LRRC28: variants seen among roughly 807,000 people sequenced by gnomAD.
LRRC28 encodes leucine-rich repeat-containing protein 28.
A neutral mutation model predicts 45.7 loss-of-function variants in LRRC28; 39 were observed. The ratio of observed to expected loss-of-function variants is 0.85; its 90% confidence interval spans 0.66 to 1.12. The LOEUF is 1.12. LRRC28 is among the 50% of genes most tolerant of loss of function. The pLI, the probability that LRRC28 is intolerant of heterozygous loss-of-function variation, is 0.00. For synonymous variants in LRRC28, 206 were observed against 178.8 expected (o/e 1.15, Z -1.22); for missense variants, 435 against 438.5 (o/e 0.99, Z 0.07).
chr15:99,340,595 G>C (rs913139100), intron 6 of LRRC28, among the ~76,000 whole-genome samples: 1 of 152,234 alleles, frequency 6.6e-6, no homozygotes, highest in African/African-American at 2.4e-5. Context: ...TCTGCAGTTT[G>C]AAGAACTATG....
intron 2 of LRRC28, chr15:99,258,089 G>GA: frequency 1.3e-6 from 2 of 1,542,542 alleles, no homozygotes; most frequent in Non-Finnish European, 1.8e-6. Flanking sequence ...AATGACCAGA[G>GA]AAGAGTTGGT....
At chr15:99,269,022 A>G (rs1306363200) in intron 2 of LRRC28, among the ~76,000 whole-genome samples, 5 of 152,144 alleles carry the variant, frequency 3.3e-5, no homozygotes, top group Non-Finnish European at 7.4e-5. Flanking sequence ...TTGGCAATCA[A>G]ATTTCTATCA....
intron 2 of LRRC28, among the ~76,000 whole-genome samples, chr15:99,263,285 C>T (rs866511714): frequency 6.2e-5 from 9 of 145,084 alleles, no homozygotes; most frequent in Admixed American, 2.1e-4. Flanking sequence ...CGCCACTCCA[C>T]GCCAGCCTGG....
At chr15:99,255,004 C>T (rs918101128) in intron 1 of LRRC28, among the ~76,000 whole-genome samples, 2 of 152,142 alleles carry the variant, frequency 1.3e-5, no homozygotes, top group Non-Finnish European at 2.9e-5. Context: ...ATAATTTAAA[C>T]TAATGAGACT....
chr15:99,338,506 A>T (rs1956401442), intron 6 of LRRC28: 1 of 152,204 alleles, frequency 6.6e-6, no homozygotes, highest in South Asian at 2.1e-4. Context: ...AGGTTTTCAA[A>T]TATTAGAAGG....
At chr15:99,354,453 G>C (rs1232924682) in intron 7 of LRRC28, among the ~76,000 whole-genome samples, 4 of 152,164 alleles carry the variant, frequency 2.6e-5, no homozygotes, top group Non-Finnish European at 5.9e-5. Context: ...TCAGCCTAAA[G>C]GAAAGGAGGG....
At chr15:99,266,985 T>G (rs1027777189) in intron 2 of LRRC28, among the ~76,000 whole-genome samples, 7 of 152,212 alleles carry the variant, frequency 4.6e-5, no homozygotes, top group African/African-American at 1.7e-4. Flanking sequence ...AGAAACAGCC[T>G]TACTTAAGTG....
chr15:99,349,864 C>T lies in LRRC28; in HGVS notation c.593-2505C>T, dbSNP rs546884966. Among the ~76,000 whole-genome samples the T allele has an allele frequency of 3.9e-5, 6 of 152,282 alleles. No homozygotes were observed. In the South Asian group the frequency reaches 8.3e-4, roughly 21 times the overall value. ...ATAAGTAGAAAAATGCGGCCGGGCG[C>T]GGTGGCTCACGCCTGTAATCCCAGC... is the stretch of plus-strand genomic sequence containing the variant. On this transcript the variant is annotated intron_variant, in intron 6 of 9. Coordinates refer to ENST00000301981, the MANE Select transcript of LRRC28 (RefSeq NM_144598.5).
intron 9 of LRRC28, among the ~76,000 whole-genome samples, chr15:99,382,400 A>G (rs1163950975): frequency 1.3e-5 from 2 of 152,236 alleles, no homozygotes; most frequent in East Asian, 1.9e-4. Flanking sequence ...CATCTTCTGC[A>G]TCTCTCACAC....
chr15:99,383,538 G>T (rs1300793915), intron 9 of LRRC28, among the ~76,000 whole-genome samples: 1 of 152,200 alleles, frequency 6.6e-6, no homozygotes, highest in South Asian at 2.1e-4. Flanking sequence ...CCAAGTGTGT[G>T]TCTGTTTCTC....
rs1033655127 is a variant in LRRC28 at position 99,387,763 on chromosome 15, A to G, written c.*1661A>G. 2 of 152,178 alleles carry G rather than the reference A, an allele frequency of 1.3e-5. No homozygotes were observed. The highest frequency in any genetic ancestry group is 1.3e-4 in the Admixed American group (2 of 15,270). 9.4% of individuals were successfully genotyped at this position (152,178 alleles called of 1,614,324 possible). A position where few individuals can be genotyped will look rare whatever the true frequency, so the allele number is the denominator to read the frequency against. ...GGAGAACCAAGAATTTGCTTGGTAGAAAAATTATTTTTTTTTAATTTCAGA... is the reference window on the plus strand; with the variant it reads ...GGAGAACCAAGAATTTGCTTGGTAGGAAAATTATTTTTTTTTAATTTCAGA... On this transcript the variant is annotated 3_prime_UTR_variant, in exon 10 of 10. Coordinates refer to ENST00000301981, the MANE Select transcript of LRRC28 (RefSeq NM_144598.5).
intron 6 of LRRC28, among the ~76,000 whole-genome samples, chr15:99,347,512 C>G (rs1956731905): frequency 6.6e-6 from 1 of 152,162 alleles, no homozygotes; most frequent in African/African-American, 2.4e-5. Flanking sequence ...AAAAAATACT[C>G]TGTATATAAG....
At chr15:99,379,203 C>G (rs1371261773) in intron 9 of LRRC28, among the ~76,000 whole-genome samples, 1 of 152,046 alleles carries the variant, frequency 6.6e-6, no homozygotes, top group Non-Finnish European at 1.5e-5. Flanking sequence ...TAATTATTGC[C>G]TCAATTTCAG....
intron 3 of LRRC28, chr15:99,285,122 C>T: frequency 1.4e-6 from 1 of 714,080 alleles, no homozygotes; most frequent in South Asian, 1.4e-5. Flanking sequence ...TCATGGTCAT[C>T]AAAGGTTACA....
At chr15:99,363,608 C>T (rs185384450) in intron 9 of LRRC28, among the ~76,000 whole-genome samples, 2 of 152,296 alleles carry the variant, frequency 1.3e-5, no homozygotes, top group East Asian at 3.9e-4. Context: ...GGGATGAGCC[C>T]AGCTCTTTTG....
chr15:99,268,161 C>T (rs541565307), intron 2 of LRRC28, among the ~76,000 whole-genome samples: 16 of 152,224 alleles, frequency 1.1e-4, no homozygotes, highest in Admixed American at 2.0e-4. Flanking sequence ...AATTTAACCA[C>T]GTTTATCGAC....
Position 99,347,710 on chromosome 15 carries a change from A to G in LRRC28, c.593-4659A>G, listed in dbSNP as rs919700548. Among the ~76,000 whole-genome samples the G allele has an allele frequency of 2.6e-5, 4 of 152,212 alleles. No homozygotes were observed. The East Asian group carries it at 7.7e-4, about 29-fold the overall frequency. On this transcript the variant is annotated intron_variant, in intron 6 of 9. Transcript: ENST00000301981. ...CATTTACATTGTTTCCATATCTTGG[A>G]TGTGGTGAATAATGCTGCAGTGAAT...
At chr15:99,313,018 C>A (rs1241657095) in intron 5 of LRRC28, among the ~76,000 whole-genome samples, 3 of 151,986 alleles carry the variant, frequency 2.0e-5, no homozygotes, top group East Asian at 1.9e-4. Context: ...TAAAGCAAGA[C>A]CCAAACTATA....
intron 5 of LRRC28, among the ~76,000 whole-genome samples, chr15:99,300,546 G>T (rs2082370826): frequency 6.6e-6 from 1 of 152,158 alleles, no homozygotes; most frequent in Admixed American, 6.5e-5. Context: ...TGCACAATTG[G>T]CCGGGCACCA....
Sources: allele counts gnomAD v4.1 joint callset (sites outside exome capture counted in the v4.1 genomes callset), GRCh38; gene constraint gnomAD v4.1.1; transcripts MANE v1.5; gene names NCBI Gene and HGNC (gene_info 2026-07-23, HGNC 2026-07-21).